The following DAPK2 variants were observed in gnomAD, a reference collection of about 807,000 sequenced individuals.
The protein encoded by DAPK2 is death associated protein kinase 2.
A neutral mutation model predicts 44.1 loss-of-function variants in DAPK2; 35 were observed. The observed-to-expected ratio is 0.79, with a 90% CI of 0.61 to 1.05. DAPK2 has a LOEUF of 1.05. Ranked by LOEUF, DAPK2 falls within the 50% of genes least tolerant of loss-of-function variation. The pLI, the probability that DAPK2 is intolerant of heterozygous loss-of-function variation, is 0.00. For missense variants in DAPK2, 453 were observed against 483.2 expected, an observed-to-expected ratio of 0.94 and a Z score of 0.59; for synonymous variants, 174 against 182.6, an observed-to-expected ratio of 0.95 and a Z score of 0.38.
chr15:63,969,338 T>C (rs946562894), intron 3 of DAPK2, among the ~76,000 whole-genome samples: 2 of 152,162 alleles, frequency 1.3e-5, no homozygotes, highest in Non-Finnish European at 2.9e-5. Context: ...GAGGATTACC[T>C]GAGCCTGAGA....
chr15:64,036,336 T>TATATATATATATATATATAC (rs1331157703), intron 1 of DAPK2, among the ~76,000 whole-genome samples: 3 of 115,084 alleles, frequency 2.6e-5, no homozygotes, highest in African/African-American at 8.8e-5. Flanking sequence ...TATATATATA[T>TATATATATATATATATATAC]ACATATATAT....
At chr15:63,960,657 G>T (rs1038821826) in intron 3 of DAPK2, among the ~76,000 whole-genome samples, 1 of 152,212 alleles carries the variant, frequency 6.6e-6, no homozygotes, top group African/African-American at 2.4e-5. Flanking sequence ...GTAGTTGAGT[G>T]GTTTTGAGTG....
intron 1 of DAPK2, among the ~76,000 whole-genome samples, chr15:63,996,525 A>T (rs2078952943): frequency 6.6e-6 from 1 of 152,206 alleles, no homozygotes; most frequent in African/African-American, 2.4e-5. Flanking sequence ...ACTCTTCTGG[A>T]GGGCATCTGG....
intron 2 of DAPK2, among the ~76,000 whole-genome samples, chr15:63,978,007 T>C (rs550279611): frequency 1.8e-3 from 269 of 152,316 alleles, no homozygotes; most frequent in African/African-American, 5.9e-3. Flanking sequence ...CACAGTGGGC[T>C]TCACTATCTA....
intron 4 of DAPK2, among the ~76,000 whole-genome samples, chr15:63,936,835 C>T (rs2077168877): frequency 6.6e-6 from 1 of 151,554 alleles, no homozygotes; most frequent in African/African-American, 2.4e-5. Flanking sequence ...TAAAAAATTG[C>T]CAGGCATAAT....
At chr15:63,993,187 G>C (rs1402370127) in intron 1 of DAPK2, among the ~76,000 whole-genome samples, 3 of 152,074 alleles carry the variant, frequency 2.0e-5, no homozygotes, top group Admixed American at 2.0e-4. Context: ...TTCATGTAAG[G>C]TGACAAAGGA....
intron 1 of DAPK2, among the ~76,000 whole-genome samples, chr15:64,031,341 T>C (rs1209123192): frequency 6.6e-6 from 1 of 151,960 alleles, no homozygotes; most frequent in African/African-American, 2.4e-5. Context: ...CAAGCAATCC[T>C]CCCATCTCAT....
rs866979811 is a variant in DAPK2, at chr15:63,917,278, G to A, written c.859-5081C>T. On this transcript the variant is annotated intron_variant, in intron 8 of 10. Coordinates refer to ENST00000261891, the Ensembl canonical transcript of DAPK2. This position sits in a 1 kb window ranked among gnomAD's most constrained non-coding sequence, Gnocchi z 4.4. Reference sequence around the variant, plus strand: ...CTCAGGAGGCTGAGGCAGGAGAATTGCTTGAACCTGGAAGATGGAGGTTGC... The same window carrying A: ...CTCAGGAGGCTGAGGCAGGAGAATTACTTGAACCTGGAAGATGGAGGTTGC... 2 of 151,848 alleles carry A rather than the reference G, an allele frequency of 1.3e-5. No individual in the cohort carries two copies. Among genetic ancestry groups the A allele is most frequent in the Admixed American group, 1.3e-4 (2 of 15,210 alleles). The allele number at this position is 151,848 out of a possible 1,614,324, so 9.4% of individuals were successfully genotyped here.
chr15:63,949,491 G>C (rs1210505065), intron 3 of DAPK2, among the ~76,000 whole-genome samples: 4 of 152,176 alleles, frequency 2.6e-5, no homozygotes, highest in Non-Finnish European at 5.9e-5. Context: ...CAACGGGTGA[G>C]GCTGGGATGG....
Position 63,958,778 on chromosome 15 carries a change from C to T in DAPK2, c.453+12645G>A, listed in dbSNP as rs987545331. Among the ~76,000 whole-genome samples, 10 of 152,298 alleles carry T rather than the reference C, an allele frequency of 6.6e-5. 1 individual carries two copies. In the South Asian group the frequency reaches 1.0e-3, roughly 16 times the overall value. The stretch of plus-strand genomic sequence containing the variant: ...GTAGCATTGTAGTATAGTTTGAAGT[C>T]AGGTAGCATGATGCCTCCAGCTTTG... On this transcript the variant is annotated intron_variant, in intron 3 of 10. Transcript: ENST00000261891.
intron 4 of DAPK2, among the ~76,000 whole-genome samples, chr15:63,931,708 G>C (rs562000939): frequency 7.2e-5 from 11 of 152,204 alleles, no homozygotes; most frequent in Non-Finnish European, 1.3e-4. Context: ...GTACAGGAAG[G>C]AGCAGGAGCT....
intron 5 of DAPK2, among the ~76,000 whole-genome samples, chr15:63,930,167 T>C (rs957541718): frequency 6.6e-6 from 1 of 152,170 alleles, no homozygotes; most frequent in Non-Finnish European, 1.5e-5. Context: ...CTCCTCTTGC[T>C]CCTCCATTCC....
Position 64,036,321 on chromosome 15 carries a change from A to ATG in DAPK2, c.92+3848_92+3849insCA, listed in dbSNP as rs1567290111. Among the ~76,000 whole-genome samples the ATG allele has an allele frequency of 3.3e-4, 36 of 108,560 alleles. 3 individuals carry two copies. Among genetic ancestry groups the ATG allele is most frequent in the Admixed American group, 2.6e-3 (25 of 9,732 alleles). 71.2% of individuals were successfully genotyped at this position (108,560 alleles called of 152,430 possible). A position where few individuals can be genotyped will look rare whatever the true frequency, so the allele number is the denominator to read the frequency against. ...TGTGTGTGTGTGTGTATATATATGT[A>ATG]TATATATATATATATACATATATAT... is the stretch of plus-strand genomic sequence containing the variant. On this transcript the variant is annotated intron_variant, in intron 1 of 10. Transcript: ENST00000261891.
intron 1 of DAPK2, among the ~76,000 whole-genome samples, chr15:64,024,363 T>C (rs1420002201): frequency 2.0e-5 from 3 of 152,122 alleles, no homozygotes; most frequent in Non-Finnish European, 2.9e-5. Context: ...GAGCATGCCC[T>C]GGGGAGGCTC....
At chr15:63,998,868 A>T (rs985458471) in intron 1 of DAPK2, among the ~76,000 whole-genome samples, 5 of 152,236 alleles carry the variant, frequency 3.3e-5, no homozygotes, top group Non-Finnish European at 7.3e-5. Context: ...GAGAGCAAGC[A>T]CCGGGAACAC....
At position 63,912,518 on chromosome 15, in the gene DAPK2, T is replaced by A. The variant is rs907185072; in HGVS notation, c.859-321A>T. On this transcript the variant is annotated intron_variant, in intron 8 of 10. Coordinates refer to ENST00000261891, the Ensembl canonical transcript of DAPK2. This position sits in a 1 kb window ranked among gnomAD's most constrained non-coding sequence, Gnocchi z 4.4. Reference sequence around the variant, plus strand: ...ACATCACTTTGGGGAGAGGGTCATTTTACAGCAGTCTGGGATGCCCTCTGG... The same window carrying A: ...ACATCACTTTGGGGAGAGGGTCATTATACAGCAGTCTGGGATGCCCTCTGG... Among the ~76,000 whole-genome samples, 9 of 152,362 alleles carry A rather than the reference T, an allele frequency of 5.9e-5. 1 individual carries two copies. In the South Asian group the frequency reaches 1.9e-3, roughly 32 times the overall value.
chr15:64,028,614 T>C (rs1278881466), intron 1 of DAPK2, among the ~76,000 whole-genome samples: 1 of 152,224 alleles, frequency 6.6e-6, no homozygotes, highest in African/African-American at 2.4e-5. Context: ...TTTGTAACTG[T>C]ATAGCAGTTA....
intron 1 of DAPK2, among the ~76,000 whole-genome samples, chr15:64,001,125 C>T (rs1322410105): frequency 1.3e-5 from 2 of 152,030 alleles, no homozygotes; most frequent in Non-Finnish European, 2.9e-5. Flanking sequence ...GGTGATCCTG[C>T]CTCAGCCTCC....
intron 1 of DAPK2, among the ~76,000 whole-genome samples, chr15:64,027,290 G>A (rs1429289088): frequency 2.0e-5 from 3 of 152,046 alleles, no homozygotes; most frequent in Non-Finnish European, 2.9e-5. Context: ...AGGCTGAGAC[G>A]GGAGAATCAC....
Sources: gnomAD v4.1 joint callset for allele counts (sites outside exome capture counted in the v4.1 genomes callset) on GRCh38, gnomAD v4.1.1 for gene constraint, Gnocchi (gnomAD v3.1) non-coding constraint, MANE v1.5 for transcripts, NCBI Gene and HGNC (gene_info 2026-07-23, HGNC 2026-07-21) for gene names.